Variants in NYNRIN observed in about 807,000 individuals in gnomAD.
The protein encoded by NYNRIN is protein NYNRIN.
Under a neutral mutation model 146.6 loss-of-function variants are expected in NYNRIN, and 86 were observed. The observed-to-expected ratio is 0.59, with a 90% CI of 0.49 to 0.70. The LOEUF (loss-of-function observed/expected upper bound fraction) is 0.70, where lower values mean the gene tolerates loss of function less well. Among genes scored for constraint, NYNRIN ranks in the 30% least tolerant of loss-of-function variants. NYNRIN has a pLI of 0.00. For missense variants in NYNRIN, 2,191 were observed against 2,377.7 expected, an observed-to-expected ratio of 0.92 and a Z score of 1.63; for synonymous variants, 1,027 against 1,001.3, an observed-to-expected ratio of 1.03 and a Z score of -0.48.
chr14:24,399,178 G>C (rs2042823565), intron 1 of NYNRIN, 52 bp from the exon 2 acceptor site: 2 of 1,477,524 alleles, frequency 1.4e-6, no homozygotes, highest in South Asian at 2.4e-5. Context: ...CTGGGGGCTG[G>C]GGCGCCTGCC....
In NYNRIN at chr14:24,409,560, C is replaced by G; in HGVS notation, c.1766C>G (p.Pro589Arg). ...ACAGAGCCTGCAGCTCCCGAAGTGC[C>G]TTTGGCTCCAACAAAGCCAACAGCT... ...VHTEPAAPEVPLAPTKPTAQL... is the reference protein window; with the variant it reads ...VHTEPAAPEVRLAPTKPTAQL... The change falls in exon 4 of 9, where the codon CCT (proline) becomes CGT (arginine). Residue 589 changes from proline to arginine, a missense_variant. Coordinates refer to ENST00000382554, the MANE Select transcript of NYNRIN (RefSeq NM_025081.3). 1 of 1,611,606 alleles carries G rather than the reference C, an allele frequency of 6.2e-7. No homozygotes were observed. The highest frequency in any genetic ancestry group is 2.2e-5 in the East Asian group (1 of 44,814).
In NYNRIN at chr14:24,411,397, A is replaced by C. The variant is rs1411493261; in HGVS notation, c.2589A>C (p.Ser863=). ...AGCTACACTCGCTCAAGATGCTTTC[A>C]ATCACACCCTCCCAGCTTGAGAATG... The part of the protein sequence containing the change: ...LTKLHSLKML[S]ITPSQLENGK... The change falls in exon 6 of 9, where the codon TCA becomes TCC. Residue 863 remains serine, a synonymous_variant. Coordinates refer to ENST00000382554, the MANE Select transcript of NYNRIN (RefSeq NM_025081.3). The surrounding 1 kb of genome is among the most constrained non-coding windows in gnomAD (Gnocchi z 4.3). 3 of 1,613,876 alleles carry C rather than the reference A, an allele frequency of 1.9e-6. No homozygotes were observed. The highest frequency in any genetic ancestry group is 1.7e-5 in the Admixed American group (1 of 60,002).
In NYNRIN at chr14:24,409,526, G is replaced by C. The variant is rs755678771; in HGVS notation, c.1732G>C (p.Ala578Pro). ...PKLPTSRMML[A>P]VHTEPAAPEV... ...ACTGCCTACATCTCGAATGATGCTG[G>C]CAGTGCACACAGAGCCTGCAGCTCC... is the stretch of plus-strand genomic sequence containing the variant. The change falls in exon 4 of 9, where the codon GCA becomes CCA. Residue 578 changes from alanine to proline, a missense_variant. Ala to Pro is a conservative substitution (Grantham distance 27, BLOSUM62 -1). This residue lies in a region of NYNRIN where 895 missense variants were observed against 941.2 expected (regional missense o/e 0.95). Coordinates refer to ENST00000382554, the MANE Select transcript of NYNRIN (RefSeq NM_025081.3). The C allele has an allele frequency of 1.9e-6, 3 of 1,612,998 alleles. No homozygotes were observed. The highest frequency in any genetic ancestry group is 2.5e-6 in the Non-Finnish European group (3 of 1,179,450).
At chr14:24,406,201 A>AAAAATAAAATAACATAAAAT (rs2042873980) in intron 2 of NYNRIN, among the ~76,000 whole-genome samples, 1 of 127,860 alleles carries the variant, frequency 7.8e-6, no homozygotes, top group South Asian at 2.7e-4. Context: ...CTCTGCCTCA[A>AAAAATAAAATAACATAAAAT]AAAATAAAAT....
intron 6 of NYNRIN, among the ~76,000 whole-genome samples, chr14:24,412,134 C>A (rs2042916230): frequency 6.6e-6 from 1 of 152,240 alleles, no homozygotes; most frequent in African/African-American, 2.4e-5. Flanking sequence ...TCTCCACACT[C>A]TTCCCAAGAC....
intron 2 of NYNRIN, among the ~76,000 whole-genome samples, chr14:24,401,882 G>A (rs1343146227): frequency 6.6e-6 from 1 of 152,232 alleles, no homozygotes; most frequent in Non-Finnish European, 1.5e-5. Flanking sequence ...TTTCCCAAGT[G>A]TAAGGATGTC....
At position 24,413,336 on chromosome 14, in the gene NYNRIN, C is replaced by CG; in HGVS notation, c.2769dup (p.Asn924GlufsTer7). On this transcript the variant is annotated frameshift_variant, in exon 8 of 9. Transcript: ENST00000382554. LOFTEE classifies it high-confidence loss of function. ...CCCAGCTTGCTGCCTTTCACCTTTG[C>CG]GGGGAATCTCTTCATGGTGCCTGAT... is the stretch of plus-strand genomic sequence containing the variant. The CG allele has an allele frequency of 6.2e-7, 1 of 1,612,826 alleles. No homozygotes were observed. The highest frequency in any genetic ancestry group is 8.5e-7 in the Non-Finnish European group (1 of 1,179,374).
In NYNRIN at chr14:24,409,811, A is replaced by C. The variant is rs1033389270; in HGVS notation, c.2017A>C (p.Arg673=). 8 of 1,613,242 alleles carry C rather than the reference A, an allele frequency of 5.0e-6. No individual in the cohort carries two copies. The Admixed American group carries it at 5.0e-5, about 10-fold the overall frequency. The part of the protein sequence containing the change: ...PAAPKVPVTP[R]VSRAPKTPAA... ...AGCTCCCAAAGTACCTGTGACCCCC[A>C]GAGTCTCCAGAGCTCCCAAAACACC... Residue 673 remains arginine, a synonymous_variant, in exon 4 of 9, where the codon AGA becomes CGA. Coordinates refer to ENST00000382554, the MANE Select transcript of NYNRIN (RefSeq NM_025081.3).
intron 2 of NYNRIN, among the ~76,000 whole-genome samples, 180 bp downstream of exon 2, chr14:24,399,624 A>C (rs1226090754): frequency 6.6e-6 from 1 of 151,832 alleles, no homozygotes; most frequent in African/African-American, 2.4e-5. Context: ...CGCTCCTTCC[A>C]TGCCCGCTTC....
At chr14:24,410,270 G>A in intron 4 of NYNRIN, 62 bp downstream of exon 4, 1 of 1,372,710 alleles carries the variant, frequency 7.3e-7, no homozygotes, top group Non-Finnish European at 1.0e-6. Flanking sequence ...GGGCATCCCT[G>A]GGGGACAGAA....
intron 2 of NYNRIN, among the ~76,000 whole-genome samples, chr14:24,400,840 A>G (rs1018164705): frequency 6.7e-6 from 1 of 150,366 alleles, no homozygotes; most frequent in Non-Finnish European, 1.5e-5. Flanking sequence ...CTGGAGTGCA[A>G]TGGCGTGGTC....
Position 24,408,535 on chromosome 14 carries a change from C to G in NYNRIN, c.857+8C>G. On this transcript the variant is annotated splice_region_variant and intron_variant, in intron 3 of 8. Transcript: ENST00000382554. ...AGCAAACCAGCTGGTACGGTAAGTT[C>G]TGGAGAATGAGCCTGGCTTCTCTGA... 6.4e-7 allele frequency: 1 copy of G among 1,559,438 alleles called. No individual in the cohort carries two copies. Among genetic ancestry groups the G allele is most frequent in the Non-Finnish European group, 8.7e-7 (1 of 1,154,160 alleles).
At position 24,418,223 on chromosome 14, in the gene NYNRIN, T is replaced by C; in HGVS notation, c.*777T>C. On this transcript the variant is annotated 3_prime_UTR_variant, in exon 9 of 9. Coordinates refer to ENST00000382554, the MANE Select transcript of NYNRIN (RefSeq NM_025081.3). Reference sequence around the variant, plus strand: ...TTTGATGGTGTTGACCCCACAGGAATCAAGGATCTTGATGCCAAGTGTGGC... The same window carrying C: ...TTTGATGGTGTTGACCCCACAGGAACCAAGGATCTTGATGCCAAGTGTGGC... 1 of 456,090 alleles carries C rather than the reference T, an allele frequency of 2.2e-6. No homozygotes were observed. The highest frequency in any genetic ancestry group is 1.5e-5 in the South Asian group (1 of 64,518). 28.3% of individuals were successfully genotyped at this position (456,090 alleles called of 1,614,324 possible).
rs1594743772 is a variant in NYNRIN, at chr14:24,416,335, A to C, written c.4586A>C (p.Lys1529Thr). 5 of 1,613,648 alleles carry C rather than the reference A, an allele frequency of 3.1e-6. No individual in the cohort carries two copies. The African/African-American group carries it at 6.7e-5, about 22-fold the overall frequency. ...ESGLLMFKGD[K>T]KPRVWVVPTQ... The stretch of plus-strand genomic sequence containing the variant: ...GGCCTGCTTATGTTCAAGGGAGATA[A>C]GAAGCCCAGGGTCTGGGTAGTCCCG... Residue 1529 changes from lysine to threonine, a missense_variant, in exon 9 of 9, where the codon AAG (lysine) becomes ACG (threonine). Physicochemically the swap from Lys to Thr is moderately conservative, Grantham distance 78 (BLOSUM62 -1). This residue lies in a region of NYNRIN where 1,291 missense variants were observed against 1,417.0 expected (regional missense o/e 0.91). Coordinates refer to ENST00000382554, the MANE Select transcript of NYNRIN (RefSeq NM_025081.3).
chr14:24,416,882 C>A lies in NYNRIN; in HGVS notation c.5133C>A (p.Pro1711=). The A allele has an allele frequency of 6.2e-7, 1 of 1,607,048 alleles. No homozygotes were observed. Among genetic ancestry groups the A allele is most frequent in the Non-Finnish European group, 8.5e-7 (1 of 1,175,942 alleles). ...CCCTGAGTCGGGACCTCCAGTTCCC[C>A]TGCCTGACGAGCTCAGGGGCCTACT... ...VASLSRDLQF[P]CLTSSGAYWE... is the part of the protein sequence containing the mutation. Residue 1711 remains proline, a synonymous_variant, in exon 9 of 9, where the codon CCC becomes CCA. Coordinates refer to ENST00000382554, the MANE Select transcript of NYNRIN (RefSeq NM_025081.3).
chr14:24,414,705 C>A lies in NYNRIN; in HGVS notation c.2956C>A (p.Leu986Met), dbSNP rs752469901. 4.3e-6 allele frequency: 7 copies of A among 1,613,492 alleles called. No individual in the cohort carries two copies. In the East Asian group the frequency reaches 1.6e-4, roughly 36 times the overall value. ...DDADSGPLES[L>M]PNMEEVREEK... ...CGCTGACTCTGGGCCCCTGGAGAGTCTGCCGAATATGGAAGAAGTCAGGGA... is the reference window on the plus strand; with the variant it reads ...CGCTGACTCTGGGCCCCTGGAGAGTATGCCGAATATGGAAGAAGTCAGGGA... Residue 986 changes from leucine (L) to methionine (M), a missense_variant, in exon 9 of 9, where the codon CTG becomes ATG. Physicochemically the swap from Leu to Met is conservative, Grantham distance 15. Transcript: ENST00000382554.
chr14:24,415,754 C>A lies in NYNRIN; in HGVS notation c.4005C>A (p.Thr1335=). 6.2e-7 allele frequency: 1 copy of A among 1,613,744 alleles called. No homozygotes were observed. Among genetic ancestry groups the A allele is most frequent in the South Asian group, 1.1e-5 (1 of 91,024 alleles). The change falls in exon 9 of 9, where the codon ACC becomes ACA. Residue 1335 remains threonine (T), a synonymous_variant. Coordinates refer to ENST00000382554, the MANE Select transcript of NYNRIN (RefSeq NM_025081.3). ...TTGGTCTCTATGTTCTATCGCCCAC[C>A]AGCCCCCCTGTCTCCCTTTCCTTCT... ...AGFGLYVLSP[T]SPPVSLSFSC... is the part of the protein sequence containing the mutation.
In NYNRIN at chr14:24,409,144, A is replaced by G. The variant is rs761277432; in HGVS notation, c.1350A>G (p.Pro450=). The G allele has an allele frequency of 3.1e-6, 5 of 1,613,890 alleles. No individual in the cohort carries two copies. Among genetic ancestry groups the G allele is most frequent in the East Asian group, 4.5e-5 (2 of 44,886 alleles). Residue 450 remains proline (P), a synonymous_variant, in exon 4 of 9, where the codon CCA becomes CCG. Coordinates refer to ENST00000382554, the MANE Select transcript of NYNRIN (RefSeq NM_025081.3). ...GEAALQNCPR[P]EISPKVTSLL... is the part of the protein sequence containing the mutation. ...CAGCCCTGCAGAATTGCCCAAGGCC[A>G]GAGATTTCCCCAAAAGTTACGAGTT...
intron 2 of NYNRIN, among the ~76,000 whole-genome samples, chr14:24,407,564 T>C (rs572825543): frequency 8.7e-4 from 132 of 152,322 alleles, no homozygotes; most frequent in African/African-American, 3.1e-3. Flanking sequence ...GAGAAGGTGA[T>C]AGATGCCCCA....
Sources: gnomAD v4.1 joint callset for allele counts (sites outside exome capture counted in the v4.1 genomes callset) on GRCh38, gnomAD v4.1.1 for gene constraint, gnomAD v4.1.1 regional missense constraint, Gnocchi (gnomAD v3.1) non-coding constraint, MANE v1.5 for transcripts, NCBI Gene and HGNC (gene_info 2026-07-23, HGNC 2026-07-21) for gene names.